Variants in ZNF521 observed in about 807,000 individuals in gnomAD.
ZNF521 encodes LYST-interacting protein 3.
In ZNF521, 14 loss-of-function variants were observed where a neutral mutation model predicts 105.5. The observed-to-expected ratio is 0.13, with a 90% CI of 0.09 to 0.21. The LOEUF is 0.21. Among genes scored for constraint, ZNF521 ranks in the 10% least tolerant of loss-of-function variants. The probability of loss-of-function intolerance (pLI) is 1.00; values close to 1 mark genes in which losing one functional copy is unlikely to be tolerated. For synonymous variants in ZNF521, 635 were observed against 606.0 expected, an observed-to-expected ratio of 1.05 and a Z score of -0.70; for missense variants, 1,233 against 1,629.7, an observed-to-expected ratio of 0.76 and a Z score of 4.19.
At chr18:25,245,203 CT>C in intron 3 of ZNF521, among the ~76,000 whole-genome samples, 1 of 152,168 alleles carries the variant, frequency 6.6e-6, no homozygotes, top group East Asian at 1.9e-4. Flanking sequence ...TCAATGAATA[CT>C]TTTTAGAATG....
intron 5 of ZNF521, among the ~76,000 whole-genome samples, chr18:25,148,996 G>T (rs1291358831): frequency 1.3e-5 from 2 of 151,910 alleles, no homozygotes; most frequent in Admixed American, 1.3e-4. Flanking sequence ...GTACAGAAGA[G>T]GAACTGTACC....
chr18:25,303,635 G>T (rs576101887), intron 3 of ZNF521, among the ~76,000 whole-genome samples: 1 of 152,092 alleles, frequency 6.6e-6, no homozygotes, highest in African/African-American at 2.4e-5. Context: ...TTGTTATTTT[G>T]GGGTTTCCTA....
intron 3 of ZNF521, among the ~76,000 whole-genome samples, chr18:25,244,150 C>T (rs1487978434): frequency 6.6e-6 from 1 of 152,080 alleles, no homozygotes; most frequent in African/African-American, 2.4e-5. Flanking sequence ...GAAATCATAG[C>T]CATCCTGCTC....
chr18:25,347,966 C>T (rs35532628), intron 2 of ZNF521, among the ~76,000 whole-genome samples: 64,498 of 151,978 alleles, frequency 0.42, 14,162 homozygotes, highest in Middle Eastern at 0.51. Flanking sequence ...TTTAGAAGGG[C>T]CTATTGCATT....
intron 4 of ZNF521, among the ~76,000 whole-genome samples, chr18:25,215,638 T>C (rs886174496): frequency 2.6e-5 from 4 of 152,198 alleles, no homozygotes; most frequent in African/African-American, 9.7e-5. Flanking sequence ...ATTCCTATTT[T>C]TGAATTTCAT....
At chr18:25,106,389 G>A (rs2034074335) in intron 5 of ZNF521, among the ~76,000 whole-genome samples, 2 of 151,824 alleles carry the variant, frequency 1.3e-5, no homozygotes, top group South Asian at 2.1e-4. Context: ...AAACCCTCCC[G>A]GCCCCCAGAA....
At chr18:25,166,595 C>G (rs1436825002) in intron 5 of ZNF521, among the ~76,000 whole-genome samples, 1 of 152,146 alleles carries the variant, frequency 6.6e-6, no homozygotes, top group Non-Finnish European at 1.5e-5. Context: ...CACTGTCAAT[C>G]TTTCTTCTTT....
intron 7 of ZNF521, among the ~76,000 whole-genome samples, chr18:25,064,490 C>T (rs146089232): frequency 5.4e-4 from 82 of 152,284 alleles, no homozygotes; most frequent in African/African-American, 1.9e-3. Flanking sequence ...TGTTCTGAAT[C>T]AACAGTACTC....
intron 2 of ZNF521, among the ~76,000 whole-genome samples, chr18:25,345,848 T>C (rs1425880690): frequency 6.6e-6 from 1 of 152,068 alleles, no homozygotes. Context: ...TCTGAAGGAG[T>C]ATGGATGTCA....
At chr18:25,078,128 C>T (rs2033408265) in intron 7 of ZNF521, among the ~76,000 whole-genome samples, 1 of 152,084 alleles carries the variant, frequency 6.6e-6, no homozygotes, top group Non-Finnish European at 1.5e-5. Context: ...GGGGAAGAGG[C>T]CCAGGAGTTA....
At chr18:25,328,938 G>C (rs1913396119) in intron 2 of ZNF521, among the ~76,000 whole-genome samples, 1 of 152,164 alleles carries the variant, frequency 6.6e-6, no homozygotes, top group Non-Finnish European at 1.5e-5. Context: ...TTAATACAAA[G>C]AGTAGTTTGT....
At chr18:25,207,141 A>T (rs952588404) in intron 4 of ZNF521, among the ~76,000 whole-genome samples, 3 of 152,178 alleles carry the variant, frequency 2.0e-5, no homozygotes, top group Non-Finnish European at 2.9e-5. Flanking sequence ...TATATAGGGT[A>T]TTGTGGAGTT....
intron 4 of ZNF521, among the ~76,000 whole-genome samples, chr18:25,212,538 A>AAAAATATATATATAT (rs1555647923): frequency 1.7e-4 from 8 of 48,142 alleles, no homozygotes; most frequent in African/African-American, 1.1e-3. Context: ...AAAAAAAAAA[A>AAAAATATATATATAT]ATATATATAT....
intron 5 of ZNF521, among the ~76,000 whole-genome samples, chr18:25,169,330 T>C (rs541803286): frequency 6.6e-6 from 1 of 152,144 alleles, no homozygotes; most frequent in Non-Finnish European, 1.5e-5. Flanking sequence ...TACTGGTATT[T>C]TCAATCCACA....
At chr18:25,342,397 T>C (rs1914245943) in intron 2 of ZNF521, among the ~76,000 whole-genome samples, 3 of 137,210 alleles carry the variant, frequency 2.2e-5, no homozygotes, top group African/African-American at 8.3e-5. Context: ...CTTTTTCCTT[T>C]TCTTTCCTTT....
intron 5 of ZNF521, among the ~76,000 whole-genome samples, chr18:25,127,580 G>A (rs1445356991): frequency 6.6e-6 from 1 of 151,864 alleles, no homozygotes; most frequent in East Asian, 1.9e-4. Flanking sequence ...AAAAAGATAC[G>A]ATCCAGAATG....
chr18:25,115,821 G>C (rs1224188851), intron 5 of ZNF521, among the ~76,000 whole-genome samples: 1 of 152,166 alleles, frequency 6.6e-6, no homozygotes, highest in South Asian at 2.1e-4. Context: ...GTTGCTCAAG[G>C]CTGGTTGTCT....
intron 5 of ZNF521, among the ~76,000 whole-genome samples, chr18:25,130,669 A>G (rs952115269): frequency 4.6e-5 from 7 of 152,206 alleles, no homozygotes; most frequent in African/African-American, 1.7e-4. Flanking sequence ...CAGCCCAGGC[A>G]CTATGGCTCA....
At chr18:25,350,638 C>T (rs1382588112) in intron 2 of ZNF521, among the ~76,000 whole-genome samples, 1 of 146,342 alleles carries the variant, frequency 6.8e-6, no homozygotes, top group Non-Finnish European at 1.5e-5. Context: ...CTCTCTCTCT[C>T]TTTTTTTTTT....
Sources: gnomAD v4.1 joint callset for allele counts (sites outside exome capture counted in the v4.1 genomes callset) on GRCh38, gnomAD v4.1.1 for gene constraint, MANE v1.5 for transcripts, NCBI Gene and HGNC (gene_info 2026-07-23, HGNC 2026-07-21) for gene names.